TEP1: variants seen among roughly 807,000 people sequenced by gnomAD.
The protein encoded by TEP1 is telomerase protein component 1.
Under a neutral mutation model 306.3 loss-of-function variants are expected in TEP1, and 241 were observed. That is an observed-to-expected ratio of 0.79 (90% CI 0.71 to 0.88). The LOEUF (loss-of-function observed/expected upper bound fraction) is 0.88, where lower values mean the gene tolerates loss of function less well. Ranked by LOEUF, TEP1 falls within the 40% of genes least tolerant of loss-of-function variation. The probability of loss-of-function intolerance (pLI) is 0.00; values close to 1 mark genes in which losing one functional copy is unlikely to be tolerated. For synonymous variants in TEP1, 1,289 were observed against 1,305.5 expected (o/e 0.99, Z 0.27); for missense variants, 3,051 against 3,276.1 (o/e 0.93, Z 1.68).
In TEP1 at chr14:20,383,754, G is replaced by C; in HGVS notation, c.3699C>G (p.Pro1233=). The change falls in exon 25 of 55, where the codon CCC becomes CCG. Residue 1233 remains proline, a synonymous_variant. Transcript: ENST00000262715. Reference sequence around the variant, plus strand: ...TGGGGGATACCCACCGGTAGGTGCTGGGGAGGGCACCTGGCTCTTTTAGTT... The same window carrying C: ...TGGGGGATACCCACCGGTAGGTGCTCGGGAGGGCACCTGGCTCTTTTAGTT... The part of the protein sequence containing the change: ...RGQLKEPGAL[P]STYRSLVWEL... 6.2e-7 allele frequency: 1 copy of C among 1,611,422 alleles called. No homozygotes were observed. The highest frequency in any genetic ancestry group is 8.5e-7 in the Non-Finnish European group (1 of 1,179,220).
chr14:20,403,355 A>C, intron 7 of TEP1, 22 bp downstream of exon 7: 1 of 1,613,720 alleles, frequency 6.2e-7, no homozygotes, highest in South Asian at 1.1e-5. Context: ...GCACATATAC[A>C]ACCCCAGAAG....
chr14:20,402,130 AC>A (rs1024901712), intron 7 of TEP1, among the ~76,000 whole-genome samples: 1 of 151,708 alleles, frequency 6.6e-6, no homozygotes, highest in African/African-American at 2.4e-5. Flanking sequence ...ACATGGTGAA[AC>A]CCCGTCTCTA....
At chr14:20,403,301 A>C in intron 7 of TEP1, 76 bp downstream of exon 7, 1 of 1,560,122 alleles carries the variant, frequency 6.4e-7, no homozygotes, top group Non-Finnish European at 8.7e-7. Flanking sequence ...TTCAACCCTA[A>C]TAGAATTTTG....
intron 3 of TEP1, 36 bp from the exon 4 acceptor site, chr14:20,405,621 A>G (rs760984893): frequency 6.2e-7 from 1 of 1,608,174 alleles, no homozygotes; most frequent in Admixed American, 1.7e-5. Context: ...ATGAGAAGAG[A>G]GGTAACAAGG....
At chr14:20,385,497 T>G (rs907700630) in intron 20 of TEP1, among the ~76,000 whole-genome samples, 9 of 152,116 alleles carry the variant, frequency 5.9e-5, no homozygotes, top group Non-Finnish European at 8.8e-5. Context: ...CTCAGCCTCC[T>G]GAGTAGCTGG....
intron 12 of TEP1, among the ~76,000 whole-genome samples, chr14:20,392,875 T>C (rs1163867953): frequency 1.3e-5 from 2 of 152,166 alleles, no homozygotes; most frequent in African/African-American, 2.4e-5. Context: ...TTATTTGACA[T>C]TTGTTTTAAA....
At chr14:20,403,043 G>C (rs1490126264) in intron 7 of TEP1, among the ~76,000 whole-genome samples, 1 of 151,924 alleles carries the variant, frequency 6.6e-6, no homozygotes, top group African/African-American at 2.4e-5. Flanking sequence ...TGTAGTCCCA[G>C]CTATTCAGGA....
chr14:20,389,090 G>A lies in TEP1; in HGVS notation c.2525+148C>T, dbSNP rs1025575940. 11 of 689,936 alleles carry A rather than the reference G, an allele frequency of 1.6e-5. No homozygotes were observed. The African/African-American group carries it at 2.0e-4, about 12-fold the overall frequency. The allele number at this position is 689,936 out of a possible 1,614,324, so 42.7% of individuals were successfully genotyped here. A position where few individuals can be genotyped will look rare whatever the true frequency, so the allele number is the denominator to read the frequency against. On this transcript the variant is annotated intron_variant, in intron 17 of 54. Coordinates refer to ENST00000262715, the MANE Select transcript of TEP1 (RefSeq NM_007110.5). ...TTGAACCCAGGAGATGGAGGTTGCA[G>A]TGAGCCAAGATTGTGCCACTGCACT...
At chr14:20,402,533 A>G (rs1878837657) in intron 7 of TEP1, among the ~76,000 whole-genome samples, 2 of 152,192 alleles carry the variant, frequency 1.3e-5, no homozygotes, top group Admixed American at 1.3e-4. Context: ...AATTGTTAGA[A>G]ATACTTTAAA....
chr14:20,378,452 C>T lies in TEP1; in HGVS notation c.5436G>A (p.Gly1812=). ...CCCAGCTGCCTGTGGCTATTACCTG[C>T]CCCTCTGGGTGGAAGGCAACACAGT... ...SLNCVAFHPE[G]QVIATGSWAG... Residue 1812 remains glycine, a synonymous_variant, in exon 38 of 55, where the codon GGG becomes GGA. Transcript: ENST00000262715. The T allele has an allele frequency of 1.2e-6, 2 of 1,614,234 alleles. No individual in the cohort carries two copies. The highest frequency in any genetic ancestry group is 1.7e-6 in the Non-Finnish European group (2 of 1,180,050).
At chr14:20,371,372 A>AT in intron 50 of TEP1, 58 bp from the exon 51 acceptor site, 1 of 1,583,768 alleles carries the variant, frequency 6.3e-7, no homozygotes, top group Non-Finnish European at 8.7e-7. Flanking sequence ...TAAAGAGAAG[A>AT]ACACCTCTCT....
Position 20,375,851 on chromosome 14 carries a change from G to A in TEP1, c.6267C>T (p.Asp2089=), listed in dbSNP as rs140076747. 3.8e-3 allele frequency: 6,182 copies of A among 1,612,844 alleles called. 17 individuals are homozygous for A. Among genetic ancestry groups the A allele is most frequent in the Non-Finnish European group, 4.3e-3 (5,122 of 1,179,282 alleles). Residue 2089 remains aspartate, a synonymous_variant, in exon 43 of 55, where the codon GAC becomes GAT. Transcript: ENST00000262715. The part of the protein sequence containing the change: ...GGRDRSLLCW[D]VRTPKTPVLI... ...AAACAGGGGTTTTGGGTGTCCTCACGTCCCAGCAGAGGAGACTCTGGATAG... is the reference window on the plus strand; with the variant it reads ...AAACAGGGGTTTTGGGTGTCCTCACATCCCAGCAGAGGAGACTCTGGATAG...
rs772873737 is a variant in TEP1, at chr14:20,366,330, A to C, written c.*2107T>G. Reference sequence around the variant, plus strand: ...AGCTTCCTCCTGCAATTGGCCCAAGATTTTAGGGGAGCAAAAGGCAAAAGA... The same window carrying C: ...AGCTTCCTCCTGCAATTGGCCCAAGCTTTTAGGGGAGCAAAAGGCAAAAGA... On this transcript the variant is annotated 3_prime_UTR_variant, in exon 55 of 55. Transcript: ENST00000262715. 1 of 152,230 alleles carries C rather than the reference A, an allele frequency of 6.6e-6. No homozygotes were observed. Among genetic ancestry groups the C allele is most frequent in the Non-Finnish European group, 1.5e-5 (1 of 68,034 alleles). The allele number at this position is 152,230 out of a possible 1,614,324, so 9.4% of individuals were successfully genotyped here.
chr14:20,399,629 T>C (rs1299423728), intron 9 of TEP1, among the ~76,000 whole-genome samples: 1 of 120,634 alleles, frequency 8.3e-6, no homozygotes, highest in Non-Finnish European at 1.7e-5. Flanking sequence ...AGGCCCTGTT[T>C]CTTAAAAAAA....
chr14:20,372,374 GTGTGTA>G lies in TEP1; in HGVS notation c.7076+353_7076+358del, dbSNP rs1181414880. ...AAGCCCCAGGAATATGTGTGTGTGT[GTGTGTA>G]TGTGTGTGTGTGTGTGTGTGTGTGT... On this transcript the variant is annotated intron_variant, in intron 49 of 54. Coordinates refer to ENST00000262715, the MANE Select transcript of TEP1 (RefSeq NM_007110.5). Among the ~76,000 whole-genome samples, 568 of 85,738 alleles carry G rather than the reference GTGTGTA, an allele frequency of 6.6e-3. 2 individuals are homozygous for G. Among genetic ancestry groups the G allele is most frequent in the African/African-American group, 0.021 (545 of 26,002 alleles). 56.2% of individuals were successfully genotyped at this position (85,738 alleles called of 152,430 possible).
chr14:20,369,789 A>G lies in TEP1; in HGVS notation c.7318-10T>C. On this transcript the variant is annotated splice_polypyrimidine_tract_variant and intron_variant, in intron 51 of 54. Transcript: ENST00000262715. ...CTGATTCCTTTTGCCTCTGTGAAAG[A>G]ATAGGTAATTTTGTTTAGCCTACCC... The G allele has an allele frequency of 6.2e-7, 1 of 1,610,828 alleles. No individual in the cohort carries two copies. The highest frequency in any genetic ancestry group is 8.5e-7 in the Non-Finnish European group (1 of 1,177,404).
intron 2 of TEP1, 145 bp from the exon 3 acceptor site, chr14:20,406,545 C>T: frequency 4.9e-6 from 4 of 819,366 alleles, no homozygotes; most frequent in Non-Finnish European, 5.9e-6. Context: ...CACACACCAG[C>T]ACTGATGTGT....
chr14:20,365,922 A>G lies in TEP1; in HGVS notation c.*2515T>C, dbSNP rs1199596905. The stretch of plus-strand genomic sequence containing the variant: ...ATGGGTAGAAGAAAAGATTGTTCAA[A>G]TGTCCTATGGTCTCACAATCCAGTG... On this transcript the variant is annotated 3_prime_UTR_variant, in exon 55 of 55. Coordinates refer to ENST00000262715, the MANE Select transcript of TEP1 (RefSeq NM_007110.5). The G allele has an allele frequency of 2.0e-5, 3 of 152,238 alleles. No individual in the cohort carries two copies. The highest frequency in any genetic ancestry group is 4.4e-5 in the Non-Finnish European group (3 of 68,046). 9.4% of individuals were successfully genotyped at this position (152,238 alleles called of 1,614,324 possible).
At chr14:20,393,785 T>C (rs1481570415) in intron 12 of TEP1, among the ~76,000 whole-genome samples, 2 of 137,386 alleles carry the variant, frequency 1.5e-5, no homozygotes, top group Non-Finnish European at 3.2e-5. Context: ...TTGTCTCAAT[T>C]AAAAAAAAAA....
Sources: allele counts gnomAD v4.1 joint callset (sites outside exome capture counted in the v4.1 genomes callset), GRCh38; gene constraint gnomAD v4.1.1; transcripts MANE v1.5; gene names NCBI Gene and HGNC (gene_info 2026-07-23, HGNC 2026-07-21).